ASTN2: variants seen among roughly 807,000 people sequenced by gnomAD.
The protein encoded by ASTN2 is astrotactin-2.
ASTN2 carries 54 observed loss-of-function variants against 139.8 expected under a neutral mutation model. The ratio of observed to expected loss-of-function variants is 0.39; its 90% CI spans 0.31 to 0.48. ASTN2 has a LOEUF of 0.48. ASTN2 is among the 20% of genes least tolerant of loss of function. The pLI, the probability that ASTN2 is intolerant of heterozygous loss-of-function variation, is 0.95. For missense variants in ASTN2, 1,565 were observed against 1,725.1 expected (o/e 0.91, Z 1.64); for synonymous variants, 756 against 719.5 (o/e 1.05, Z -0.81).
chr9:116,968,177 G>C (rs1836072829), intron 10 of ASTN2, among the ~76,000 whole-genome samples: 1 of 151,564 alleles, frequency 6.6e-6, no homozygotes, highest in Non-Finnish European at 1.5e-5. Context: ...CTTTGCTCAA[G>C]TTAATTCTAC....
At chr9:117,030,843 A>G (rs1156614169) in intron 6 of ASTN2, among the ~76,000 whole-genome samples, 3 of 152,126 alleles carry the variant, frequency 2.0e-5, no homozygotes, top group Non-Finnish European at 4.4e-5. Context: ...TACAAGAAAA[A>G]GAAGAAGTGA....
intron 1 of ASTN2, among the ~76,000 whole-genome samples, chr9:117,335,521 A>G (rs1226779716): frequency 6.6e-6 from 1 of 152,198 alleles, no homozygotes; most frequent in Non-Finnish European, 1.5e-5. Context: ...GATTGTCAAG[A>G]GTTGGCCTTG....
chr9:116,782,799 T>G (rs1830255317), intron 13 of ASTN2, among the ~76,000 whole-genome samples: 1 of 135,842 alleles, frequency 7.4e-6, no homozygotes, highest in African/African-American at 3.8e-5. Context: ...TAACAATCTC[T>G]TACTTACCCT....
chr9:116,734,513 G>A (rs186837671), intron 13 of ASTN2, among the ~76,000 whole-genome samples: 1 of 152,094 alleles, frequency 6.6e-6, no homozygotes, highest in Admixed American at 6.5e-5. Context: ...TGACTTATGA[G>A]GTCCCTTTAT....
chr9:116,715,722 T>A (rs925290598), intron 16 of ASTN2, among the ~76,000 whole-genome samples: 5 of 152,218 alleles, frequency 3.3e-5, no homozygotes, highest in African/African-American at 1.2e-4. Flanking sequence ...TGTGGGATCT[T>A]TGAGAGCAGG....
intron 3 of ASTN2, among the ~76,000 whole-genome samples, chr9:117,157,080 G>C (rs1830448771): frequency 6.6e-6 from 1 of 151,986 alleles, no homozygotes; most frequent in Non-Finnish European, 1.5e-5. Flanking sequence ...GAAGAAAGCT[G>C]AGATACAATA....
intron 11 of ASTN2, among the ~76,000 whole-genome samples, chr9:116,836,420 G>A (rs1014338580): frequency 3.3e-5 from 5 of 152,118 alleles, no homozygotes; most frequent in Non-Finnish European, 5.9e-5. Flanking sequence ...GGCTCCCCAC[G>A]CCATTCAACC....
At chr9:116,901,741 G>A (rs763303951) in intron 10 of ASTN2, among the ~76,000 whole-genome samples, 30 of 152,112 alleles carry the variant, frequency 2.0e-4, no homozygotes, top group Non-Finnish European at 4.3e-4. Flanking sequence ...TCTTTTAAAA[G>A]TTAACTGTTA....
chr9:116,672,075 T>C (rs1363513478), intron 16 of ASTN2, among the ~76,000 whole-genome samples: 2 of 152,192 alleles, frequency 1.3e-5, no homozygotes, highest in Admixed American at 1.3e-4. Context: ...TTTTATATTA[T>C]TTCATAAAAA....
intron 11 of ASTN2, among the ~76,000 whole-genome samples, chr9:116,860,165 C>A (rs1291565276): frequency 6.6e-6 from 1 of 152,048 alleles, no homozygotes; most frequent in African/African-American, 2.4e-5. Context: ...GGTACATTGG[C>A]CCTTTGAGCT....
At chr9:116,736,662 T>C (rs1033635892) in intron 13 of ASTN2, among the ~76,000 whole-genome samples, 1 of 152,224 alleles carries the variant, frequency 6.6e-6, no homozygotes, top group African/African-American at 2.4e-5. Context: ...AAAATAGGCA[T>C]ATATTCCCAG....
At chr9:116,795,638 G>T (rs765428949) in intron 13 of ASTN2, among the ~76,000 whole-genome samples, 5 of 152,200 alleles carry the variant, frequency 3.3e-5, no homozygotes, top group Non-Finnish European at 7.3e-5. Flanking sequence ...AACATGAGCT[G>T]CTTAGAAGAA....
chr9:117,311,798 C>A (rs1038950964), intron 1 of ASTN2, among the ~76,000 whole-genome samples: 1 of 152,136 alleles, frequency 6.6e-6, no homozygotes, highest in African/African-American at 2.4e-5. Context: ...TAGTACGTGG[C>A]CCACAGTAGA....
chr9:116,803,502 ATATATATATATATATATATATT>A (rs1830932429), intron 13 of ASTN2, among the ~76,000 whole-genome samples: 1 of 8,340 alleles, frequency 1.2e-4, no homozygotes, highest in African/African-American at 7.4e-4. Flanking sequence ...ATATATATAT[ATATATATATATATATATATATT>A]TTTTTTTTTT....
intron 10 of ASTN2, among the ~76,000 whole-genome samples, chr9:116,953,055 T>G (rs1345907700): frequency 6.6e-6 from 1 of 152,124 alleles, no homozygotes; most frequent in Non-Finnish European, 1.5e-5. Context: ...GACTCCCAGT[T>G]CTCCATCTCC....
rs1266151553 is a variant in ASTN2 at position 117,007,153 on chromosome 9, T to C, written c.1591+939A>G. On this transcript the variant is annotated intron_variant, in intron 7 of 22. Transcript: ENST00000313400. ...TGGTTTATTCTCCCATCTTGAGGTG[T>C]GTGCTCAAATGTCATCTTCTCAGAG... 4.6e-5 allele frequency among the ~76,000 whole-genome samples: 7 copies of C among 152,142 alleles called. No individual in the cohort carries two copies. In the East Asian group the frequency reaches 1.4e-3, roughly 29 times the overall value.
At chr9:117,398,366 T>A (rs1412097939) in intron 1 of ASTN2, among the ~76,000 whole-genome samples, 1 of 152,204 alleles carries the variant, frequency 6.6e-6, no homozygotes, top group African/African-American at 2.4e-5. Flanking sequence ...GCCATCCTTC[T>A]AAAATGTTTT....
chr9:116,480,467 T>C (rs1480529649), intron 20 of ASTN2, among the ~76,000 whole-genome samples: 1 of 152,192 alleles, frequency 6.6e-6, no homozygotes, highest in Non-Finnish European at 1.5e-5. Flanking sequence ...GGATTCTTAA[T>C]TAGTGTCAGT....
At chr9:116,767,970 T>A (rs10081687) in intron 13 of ASTN2, among the ~76,000 whole-genome samples, 1 of 151,974 alleles carries the variant, frequency 6.6e-6, no homozygotes, top group South Asian at 2.1e-4. Context: ...AGACAAATGT[T>A]ACTAAACACC....
Sources: allele counts gnomAD v4.1 joint callset (sites outside exome capture counted in the v4.1 genomes callset), GRCh38; gene constraint gnomAD v4.1.1; transcripts MANE v1.5; gene names NCBI Gene and HGNC (gene_info 2026-07-23, HGNC 2026-07-21).